Variants in PITPNB observed in about 807,000 individuals in gnomAD.
PITPNB encodes the protein phosphatidylinositol transfer protein beta isoform.
A neutral mutation model predicts 45.9 loss-of-function variants in PITPNB; 16 were observed. That is an observed-to-expected ratio of 0.35 (90% CI 0.24 to 0.53). The LOEUF (loss-of-function observed/expected upper bound fraction) is 0.53, where lower values mean the gene tolerates loss of function less well. Among genes scored for constraint, PITPNB ranks in the 20% least tolerant of loss-of-function variants. The pLI is 0.93. For missense variants in PITPNB, 188 were observed against 330.5 expected, an observed-to-expected ratio of 0.57 and a Z score of 3.34; for synonymous variants, 112 against 108.9, an observed-to-expected ratio of 1.03 and a Z score of -0.18.
chr22:27,908,006 T>C (rs1420969404), intron 3 of PITPNB, among the ~76,000 whole-genome samples: 1 of 151,840 alleles, frequency 6.6e-6, no homozygotes, highest in East Asian at 2.0e-4. Context: ...AAATCTTCTT[T>C]TATTTAACCA....
chr22:27,860,077 G>C (rs1934281855), intron 9 of PITPNB, 54 bp downstream of exon 9: 1 of 991,054 alleles, frequency 1.0e-6, no homozygotes, highest in Admixed American at 1.7e-5. Context: ...CCCATTAATA[G>C]CTAGCTCCGA....
intron 8 of PITPNB, among the ~76,000 whole-genome samples, chr22:27,864,783 C>CA (rs1335928580): frequency 6.6e-6 from 1 of 151,906 alleles, no homozygotes; most frequent in African/African-American, 2.4e-5. Context: ...ACTAAAGATA[C>CA]AAAAATTAGC....
intron 2 of PITPNB, 109 bp from the exon 3 acceptor site, chr22:27,911,218 T>C (rs1220115541): frequency 5.6e-6 from 4 of 718,044 alleles, no homozygotes; most frequent in African/African-American, 1.8e-5. Context: ...ATCCAAACCA[T>C]TCAGCACAAC....
chr22:27,861,564 A>G (rs574230910), intron 8 of PITPNB, among the ~76,000 whole-genome samples: 1 of 152,310 alleles, frequency 6.6e-6, no homozygotes, highest in African/African-American at 2.4e-5. Context: ...GACCCAGAAA[A>G]GCCTGGAACA....
chr22:27,880,783 C>CAGCT (rs1360001735), intron 7 of PITPNB, among the ~76,000 whole-genome samples: 2 of 152,118 alleles, frequency 1.3e-5, no homozygotes, highest in African/African-American at 4.8e-5. Context: ...CCACCATGCC[C>CAGCT]AGCTAATTTT....
At chr22:27,904,206 G>C (rs1209884129) in intron 3 of PITPNB, among the ~76,000 whole-genome samples, 1 of 152,172 alleles carries the variant, frequency 6.6e-6, no homozygotes, top group Non-Finnish European at 1.5e-5. Flanking sequence ...AGCATTACTT[G>C]TAACAGCCAA....
intron 7 of PITPNB, among the ~76,000 whole-genome samples, chr22:27,886,001 C>A (rs1935113345): frequency 6.6e-6 from 1 of 152,090 alleles, no homozygotes; most frequent in African/African-American, 2.4e-5. Flanking sequence ...AGAAGTGATG[C>A]CTGGGTTTAA....
At chr22:27,888,214 T>C (rs899066049) in intron 7 of PITPNB, among the ~76,000 whole-genome samples, 5 of 152,356 alleles carry the variant, frequency 3.3e-5, no homozygotes, top group East Asian at 3.9e-4. Flanking sequence ...CTTTTAATGA[T>C]TGCACTGAAC....
chr22:27,892,821 C>T (rs1935318389), intron 7 of PITPNB, among the ~76,000 whole-genome samples: 1 of 152,080 alleles, frequency 6.6e-6, no homozygotes, highest in Non-Finnish European at 1.5e-5. Context: ...ACTTCTAGAA[C>T]AAAAGTCCCT....
chr22:27,881,027 CAT>C (rs1340463252), intron 7 of PITPNB, among the ~76,000 whole-genome samples: 1 of 152,218 alleles, frequency 6.6e-6, no homozygotes, highest in African/African-American at 2.4e-5. Context: ...ATATAGTGGA[CAT>C]TCTCTAAATC....
chr22:27,905,531 A>T (rs757009111), intron 3 of PITPNB, among the ~76,000 whole-genome samples: 1 of 152,228 alleles, frequency 6.6e-6, no homozygotes, highest in African/African-American at 2.4e-5. Flanking sequence ...AGTGATTTAA[A>T]TTCCTCATTT....
Position 27,885,280 on chromosome 22 carries a change from T to G in PITPNB, c.456+9275A>C, listed in dbSNP as rs531906181. Among the ~76,000 whole-genome samples the G allele has an allele frequency of 7.7e-5, 11 of 142,970 alleles. 1 individual carries two copies. The South Asian group carries it at 1.8e-3, about 23-fold the overall frequency. 93.8% of individuals were successfully genotyped at this position (142,970 alleles called of 152,430 possible). On this transcript the variant is annotated intron_variant, in intron 7 of 11. Transcript: ENST00000335272. ...AGAAGCAGATGTCAACTGACTCATTTGTGTATATTTTGGAAATGTGCTGAA... is the reference window on the plus strand; with the variant it reads ...AGAAGCAGATGTCAACTGACTCATTGGTGTATATTTTGGAAATGTGCTGAA...
chr22:27,909,207 CTTTTTTTT>C (rs34224616), intron 3 of PITPNB, among the ~76,000 whole-genome samples: 4 of 82,246 alleles, frequency 4.9e-5, no homozygotes, highest in African/African-American at 1.0e-4. Context: ...ACTGGTAGTA[CTTTTTTTT>C]TTTTTTTTTT....
At chr22:27,897,773 T>C in intron 4 of PITPNB, 28 bp downstream of exon 4, 1 of 1,414,676 alleles carries the variant, frequency 7.1e-7, no homozygotes, top group Non-Finnish European at 1.0e-6. Flanking sequence ...GGTGGAGGGG[T>C]GCAATGGCTG....
At chr22:27,913,271 C>T (rs1935985656) in intron 2 of PITPNB, among the ~76,000 whole-genome samples, 1 of 152,138 alleles carries the variant, frequency 6.6e-6, no homozygotes, top group Admixed American at 6.6e-5. Flanking sequence ...CAGTGCCAGA[C>T]AGCTACTCTT....
intron 1 of PITPNB, among the ~76,000 whole-genome samples, chr22:27,915,236 C>T (rs546546694): frequency 3.2e-4 from 48 of 152,160 alleles, no homozygotes; most frequent in Non-Finnish European, 6.5e-4. Context: ...TACGATCCTT[C>T]TCATACTTTC....
chr22:27,893,287 C>CTTT (rs33997388), intron 7 of PITPNB, among the ~76,000 whole-genome samples: 3 of 141,380 alleles, frequency 2.1e-5, no homozygotes, highest in African/African-American at 5.2e-5. Context: ...CTGTTTTTTC[C>CTTT]TTTTTTTTTT....
In PITPNB at chr22:27,911,126, T is replaced by C. The variant is rs372532523; in HGVS notation, c.52-17A>G. ...AACCTGATACTGAAATTTCAAAGAA[T>C]ACAGAAACTGAGTAAGTCAGTAGTA... On this transcript the variant is annotated splice_polypyrimidine_tract_variant and intron_variant, in intron 2 of 11. Transcript: ENST00000335272. 8.7e-5 allele frequency: 139 copies of C among 1,604,754 alleles called. No homozygotes were observed. In the African/African-American group the frequency reaches 1.8e-3, roughly 21 times the overall value.
Position 27,852,844 on chromosome 22 carries a change from C to T in PITPNB, c.*858G>A, listed in dbSNP as rs1420861770. 2 of 152,578 alleles carry T rather than the reference C, an allele frequency of 1.3e-5. No individual in the cohort carries two copies. The highest frequency in any genetic ancestry group is 2.9e-5 in the Non-Finnish European group (2 of 68,022). The allele number at this position is 152,578 out of a possible 1,614,324, so 9.5% of individuals were successfully genotyped here. On this transcript the variant is annotated 3_prime_UTR_variant, in exon 12 of 12. Coordinates refer to ENST00000335272, the MANE Select transcript of PITPNB (RefSeq NM_012399.5). Reference sequence around the variant, plus strand: ...CATCAATGTGTTTGTCTAACAGGAGCCTGAAAACTGTCTAGTATTTATTAT... The same window carrying T: ...CATCAATGTGTTTGTCTAACAGGAGTCTGAAAACTGTCTAGTATTTATTAT...
Sources: gnomAD v4.1 joint callset for allele counts (sites outside exome capture counted in the v4.1 genomes callset) on GRCh38, gnomAD v4.1.1 for gene constraint, MANE v1.5 for transcripts, NCBI Gene and HGNC (gene_info 2026-07-23, HGNC 2026-07-21) for gene names.